The following GABRB1 variants were observed in gnomAD, a reference collection of about 807,000 sequenced individuals.
The protein encoded by GABRB1 is gamma-aminobutyric acid type A receptor subunit beta1.
GABRB1 carries 17 observed loss-of-function variants against 51.6 expected under a neutral mutation model. The ratio of observed to expected loss-of-function variants is 0.33; its 90% CI spans 0.23 to 0.49. The LOEUF is 0.49. Among genes scored for constraint, GABRB1 ranks in the 20% least tolerant of loss-of-function variants. The pLI is 0.99. For missense variants in GABRB1, 410 were observed against 600.6 expected (o/e 0.68, Z 3.32); for synonymous variants, 247 against 218.9 (o/e 1.13, Z -1.14).
At chr4:47,412,819 C>T (rs1461039603) in intron 8 of GABRB1, among the ~76,000 whole-genome samples, 5 of 152,142 alleles carry the variant, frequency 3.3e-5, no homozygotes, top group African/African-American at 1.2e-4. Flanking sequence ...TTACATAGGG[C>T]ATGAAAGATT....
At chr4:47,318,314 C>T (rs1578090351) in intron 4 of GABRB1, among the ~76,000 whole-genome samples, 1 of 151,966 alleles carries the variant, frequency 6.6e-6, no homozygotes, top group African/African-American at 2.4e-5. Context: ...TGACCCTTTC[C>T]ATTTTTATTA....
intron 4 of GABRB1, among the ~76,000 whole-genome samples, chr4:47,294,485 CCA>C (rs1171890902): frequency 6.6e-6 from 1 of 152,188 alleles, no homozygotes; most frequent in East Asian, 1.9e-4. Context: ...GGTCCTACGC[CCA>C]CAGTCTCGCT....
At chr4:47,374,556 C>G (rs1308736189) in intron 5 of GABRB1, among the ~76,000 whole-genome samples, 3 of 152,146 alleles carry the variant, frequency 2.0e-5, no homozygotes, top group East Asian at 1.9e-4. Context: ...GCAGTTGGAC[C>G]ATTTGAAGCC....
chr4:47,403,026 A>G (rs1305019904), intron 5 of GABRB1, among the ~76,000 whole-genome samples: 2 of 152,214 alleles, frequency 1.3e-5, no homozygotes, highest in African/African-American at 4.8e-5. Context: ...CCCCAATTTA[A>G]TCAAGGAATG....
At chr4:47,404,618 T>C (rs3822113) in intron 7 of GABRB1, among the ~76,000 whole-genome samples, 82,627 of 152,002 alleles carry the variant, frequency 0.54, 24,154 homozygotes, top group African/African-American at 0.75. Flanking sequence ...TTCACAGCTA[T>C]ACTAATTGTC....
intron 4 of GABRB1, among the ~76,000 whole-genome samples, chr4:47,260,889 T>A (rs1722406876): frequency 6.6e-6 from 1 of 152,032 alleles, no homozygotes. Context: ...GCAAGACTGG[T>A]TCAATATATG....
upstream of GABRB1, among the ~76,000 whole-genome samples, chr4:47,028,722 A>T (rs963467128): frequency 4.0e-5 from 6 of 150,696 alleles, no homozygotes; most frequent in Non-Finnish European, 8.9e-5. Context: ...TATTCTGTGT[A>T]TGTGTATATA....
intron 3 of GABRB1, among the ~76,000 whole-genome samples, chr4:47,108,338 A>T (rs1179874461): frequency 9.2e-5 from 14 of 152,110 alleles, no homozygotes. Context: ...GGAAAGGAGT[A>T]AAAGAGAGAA....
rs113791428 is a variant in GABRB1 at position 47,112,975 on chromosome 4, T to C, written c.241-48274T>C. Among the ~76,000 whole-genome samples, 64 of 152,316 alleles carry C rather than the reference T, an allele frequency of 4.2e-4. 1 individual carries two copies. The highest frequency in any genetic ancestry group is 1.3e-3 in the African/African-American group (55 of 41,586). On this transcript the variant is annotated intron_variant, in intron 3 of 8. Coordinates refer to ENST00000295454, the MANE Select transcript of GABRB1 (RefSeq NM_000812.4). Reference sequence around the variant, plus strand: ...CCATTCCTGTTTCCCTTGGCAATTATGATAATTTTTATGTGTCTACTTCTG... The same window carrying C: ...CCATTCCTGTTTCCCTTGGCAATTACGATAATTTTTATGTGTCTACTTCTG...
rs116567836 is a variant in GABRB1 at position 47,160,460 on chromosome 4, G to T, written c.241-789G>T. On this transcript the variant is annotated intron_variant, in intron 3 of 8. Coordinates refer to ENST00000295454, the MANE Select transcript of GABRB1 (RefSeq NM_000812.4). ...AAGGGCAAATTGATAACCTTTATGT[G>T]TTAAACGAGCAGTGTTCATTCAAAA... Among the ~76,000 whole-genome samples the T allele has an allele frequency of 8.7e-3, 1,332 of 152,256 alleles. 5 individuals are homozygous for T. Among genetic ancestry groups the T allele is most frequent in the South Asian group, 0.02 (96 of 4,828 alleles).
At chr4:47,026,233 C>A (rs947761552) in intron 1 of GABRB1, among the ~76,000 whole-genome samples, 16 of 151,898 alleles carry the variant, frequency 1.1e-4, no homozygotes, top group African/African-American at 3.6e-4. Context: ...GGTGCCCTTG[C>A]CCCAACAGTT....
intron 3 of GABRB1, among the ~76,000 whole-genome samples, chr4:47,069,657 A>T (rs1046035624): frequency 1.3e-5 from 2 of 152,194 alleles, no homozygotes; most frequent in Admixed American, 1.3e-4. Context: ...TCTCCTGATT[A>T]GAAAGGCCTT....
intron 3 of GABRB1, among the ~76,000 whole-genome samples, chr4:47,107,994 T>C (rs887136125): frequency 6.6e-6 from 1 of 152,240 alleles, no homozygotes; most frequent in Middle Eastern, 3.4e-3. Flanking sequence ...TTATTTCCCA[T>C]TATTAGGGAA....
chr4:47,083,448 A>T (rs1282717738), intron 3 of GABRB1, among the ~76,000 whole-genome samples: 1 of 152,184 alleles, frequency 6.6e-6, no homozygotes, highest in East Asian at 1.9e-4. Context: ...GTCCAATTTT[A>T]TGAAATATAT....
chr4:47,413,828 C>T (rs1728834301), intron 8 of GABRB1, among the ~76,000 whole-genome samples: 1 of 152,168 alleles, frequency 6.6e-6, no homozygotes. Context: ...CTTTTTATTT[C>T]AGTGCAGATG....
intron 4 of GABRB1, among the ~76,000 whole-genome samples, chr4:47,274,986 G>A (rs973938965): frequency 4.6e-5 from 7 of 152,076 alleles, no homozygotes; most frequent in Non-Finnish European, 5.9e-5. Context: ...AATTGTATTC[G>A]TGTTTTCCTT....
At chr4:47,244,962 A>T (rs554399540) in intron 4 of GABRB1, among the ~76,000 whole-genome samples, 15 of 152,300 alleles carry the variant, frequency 9.8e-5, no homozygotes, top group African/African-American at 3.4e-4. Flanking sequence ...AACGCATTCA[A>T]AAGCTAGCAG....
At chr4:47,326,742 TC>T (rs1725275886) in intron 5 of GABRB1, among the ~76,000 whole-genome samples, 1 of 152,152 alleles carries the variant, frequency 6.6e-6, no homozygotes. Context: ...GACACTAAAA[TC>T]TGCCAGTACA....
chr4:47,158,451 A>G (rs1353860598), intron 3 of GABRB1, among the ~76,000 whole-genome samples: 2 of 152,066 alleles, frequency 1.3e-5, no homozygotes, highest in East Asian at 3.9e-4. Flanking sequence ...TATAGTTTAT[A>G]ATCATATATT....
Sources: allele counts gnomAD v4.1 joint callset (sites outside exome capture counted in the v4.1 genomes callset), GRCh38; gene constraint gnomAD v4.1.1; transcripts MANE v1.5; gene names NCBI Gene and HGNC (gene_info 2026-07-23, HGNC 2026-07-21).